The following FAM135A variants were observed in gnomAD, a reference collection of about 807,000 sequenced individuals.
The protein encoded by FAM135A is protein FAM135A.
FAM135A carries 79 observed loss-of-function variants against 146.8 expected under a neutral mutation model. The ratio of observed to expected loss-of-function variants is 0.54; its 90% confidence interval spans 0.45 to 0.65. The LOEUF is 0.65. FAM135A is among the 30% of genes least tolerant of loss of function. The pLI is 0.00. For synonymous variants in FAM135A, 562 were observed against 603.6 expected (o/e 0.93, Z 1.01); for missense variants, 1,623 against 1,758.2 (o/e 0.92, Z 1.38).
At chr6:70,445,501 T>C (rs1479676572) in intron 4 of FAM135A, among the ~76,000 whole-genome samples, 1 of 152,182 alleles carries the variant, frequency 6.6e-6, no homozygotes, top group African/African-American at 2.4e-5. Context: ...TACCCACGTA[T>C]TTATTAACAG....
At chr6:70,480,675 A>G (rs1020596926) in intron 8 of FAM135A, among the ~76,000 whole-genome samples, 3 of 152,194 alleles carry the variant, frequency 2.0e-5, no homozygotes, top group African/African-American at 4.8e-5. Context: ...CCAGAAGTCT[A>G]ATTATAGCAA....
At chr6:70,557,104 T>C in intron 21 of FAM135A, 2 of 558,824 alleles carry the variant, frequency 3.6e-6, no homozygotes, top group Admixed American at 3.2e-5. Flanking sequence ...GCCTCAGAAG[T>C]AGTTCATACT....
chr6:70,492,282 A>G (rs1582516512), intron 11 of FAM135A, among the ~76,000 whole-genome samples: 1 of 151,826 alleles, frequency 6.6e-6, no homozygotes, highest in South Asian at 2.1e-4. Context: ...ATCAGGGTCT[A>G]TAAATATTGT....
At chr6:70,541,300 C>G (rs768803944) in intron 20 of FAM135A, among the ~76,000 whole-genome samples, 2 of 152,060 alleles carry the variant, frequency 1.3e-5, no homozygotes, top group Admixed American at 1.3e-4. Context: ...TTTGAAAGAA[C>G]AGTCACTTTA....
At chr6:70,485,823 A>T (rs1393159786) in intron 10 of FAM135A, among the ~76,000 whole-genome samples, 1 of 152,104 alleles carries the variant, frequency 6.6e-6, no homozygotes, top group African/African-American at 2.4e-5. Context: ...GAGAGTCAGG[A>T]GTTCTGGAAT....
chr6:70,553,695 T>A (rs56914292), intron 20 of FAM135A, among the ~76,000 whole-genome samples: 5,716 of 117,218 alleles, frequency 0.049, 242 homozygotes, highest in African/African-American at 0.12. Flanking sequence ...ATCTTTTTTT[T>A]AAAAAGAAGC....
At chr6:70,474,645 A>G (rs573921454) in intron 5 of FAM135A, among the ~76,000 whole-genome samples, 1 of 152,316 alleles carries the variant, frequency 6.6e-6, no homozygotes, top group South Asian at 2.1e-4. Flanking sequence ...CCAGATGTGA[A>G]GCTTCCGTTG....
chr6:70,524,224 C>T, intron 14 of FAM135A, 103 bp downstream of exon 14: 2 of 1,387,816 alleles, frequency 1.4e-6, no homozygotes, highest in South Asian at 3.1e-5. Flanking sequence ...AGTTTTTTTC[C>T]CTCTCTAGTT....
At chr6:70,472,034 T>G (rs1489982040) in intron 5 of FAM135A, among the ~76,000 whole-genome samples, 1 of 152,162 alleles carries the variant, frequency 6.6e-6, no homozygotes, top group African/African-American at 2.4e-5. Context: ...TGAGTGGTAC[T>G]GTGCTGTCTG....
At chr6:70,553,892 G>T (rs1044058150) in intron 20 of FAM135A, among the ~76,000 whole-genome samples, 10 of 152,122 alleles carry the variant, frequency 6.6e-5, no homozygotes, top group African/African-American at 2.4e-4. Context: ...CAAACTTGAT[G>T]TTGTAGTATA....
At chr6:70,435,081 G>GTA (rs767689681) in intron 4 of FAM135A, among the ~76,000 whole-genome samples, 1,660 of 94,178 alleles carry the variant, frequency 0.018, 35 homozygotes, top group Admixed American at 0.087. Flanking sequence ...GTGTGTGTGT[G>GTA]TATATATATA....
At chr6:70,414,682 A>G (rs1264080145) in intron 1 of FAM135A, among the ~76,000 whole-genome samples, 1 of 152,200 alleles carries the variant, frequency 6.6e-6, no homozygotes, top group African/African-American at 2.4e-5. Flanking sequence ...GTTTAATAAC[A>G]TTTCTTCTTT....
intron 20 of FAM135A, among the ~76,000 whole-genome samples, chr6:70,551,620 ATAAT>A (rs1423690567): frequency 6.6e-6 from 1 of 152,154 alleles, no homozygotes; most frequent in Non-Finnish European, 1.5e-5. Context: ...AAAAATAAAA[ATAAT>A]TAATGTGAGA....
intron 1 of FAM135A, chr6:70,414,074 G>GTTCTGCTTT: frequency 1.0e-6 from 1 of 983,776 alleles, no homozygotes; most frequent in Non-Finnish European, 1.2e-6. Flanking sequence ...CGCTTTCGTG[G>GTTCTGCTTT]TTCTGCTTTT....
rs1382936299 is a variant in FAM135A, at chr6:70,537,879, TA to T, written c.4118-411del. On this transcript the variant is annotated intron_variant, in intron 19 of 21. Transcript: ENST00000418814. The stretch of plus-strand genomic sequence containing the variant: ...TGTGGTCTGTTTGCAATTAGTCTAT[TA>T]TGTCATAACTAAACTGTAATTATAG... Among the ~76,000 whole-genome samples the T allele has an allele frequency of 4.6e-5, 7 of 152,246 alleles. No homozygotes were observed. The East Asian group carries it at 1.3e-3, about 29-fold the overall frequency.
At chr6:70,498,100 G>A (rs889854374) in intron 11 of FAM135A, among the ~76,000 whole-genome samples, 1 of 152,120 alleles carries the variant, frequency 6.6e-6, no homozygotes, top group Non-Finnish European at 1.5e-5. Context: ...AATCTGTCTG[G>A]TCCTGGGCTT....
At chr6:70,429,822 T>G (rs986990289) in intron 4 of FAM135A, among the ~76,000 whole-genome samples, 1 of 151,578 alleles carries the variant, frequency 6.6e-6, no homozygotes, top group Non-Finnish European at 1.5e-5. Flanking sequence ...TGATAGTAAC[T>G]CAAGATATAA....
intron 4 of FAM135A, among the ~76,000 whole-genome samples, chr6:70,443,520 A>G (rs1332826169): frequency 6.6e-6 from 1 of 152,264 alleles, no homozygotes; most frequent in African/African-American, 2.4e-5. Context: ...TTGTTCGCAC[A>G]GTGGCGAAAT....
At chr6:70,448,561 A>G (rs34506852) in intron 4 of FAM135A, among the ~76,000 whole-genome samples, 670 of 152,300 alleles carry the variant, frequency 4.4e-3, no homozygotes, top group Non-Finnish European at 7.5e-3. Context: ...TGCCAAGACC[A>G]GCTCAGTGCT....
Sources: gnomAD v4.1 joint callset for allele counts (sites outside exome capture counted in the v4.1 genomes callset) on GRCh38, gnomAD v4.1.1 for gene constraint, MANE v1.5 for transcripts, NCBI Gene and HGNC (gene_info 2026-07-23, HGNC 2026-07-21) for gene names.